Variants in RAD50 observed in about 807,000 individuals in gnomAD.
The protein encoded by RAD50 is DNA repair protein RAD50.
RAD50 carries 132 observed loss-of-function variants against 168.8 expected under a neutral mutation model. The observed-to-expected ratio is 0.78, with a 90% CI of 0.68 to 0.90. The LOEUF (loss-of-function observed/expected upper bound fraction) is 0.90, where lower values mean the gene tolerates loss of function less well. Ranked by LOEUF, RAD50 falls within the 40% of genes least tolerant of loss-of-function variation. The pLI, the probability that RAD50 is intolerant of heterozygous loss-of-function variation, is 0.00. For synonymous variants in RAD50, 525 were observed against 497.4 expected, an observed-to-expected ratio of 1.06 and a Z score of -0.74; for missense variants, 1,347 against 1,534.4, an observed-to-expected ratio of 0.88 and a Z score of 2.04.
chr5:132,644,498 A>T lies in RAD50; in HGVS notation c.*2134A>T, dbSNP rs1751808513. On this transcript the variant is annotated 3_prime_UTR_variant, in exon 25 of 25. Coordinates refer to ENST00000378823, the MANE Select transcript of RAD50 (RefSeq NM_005732.4). ...TGTTTCCTTATATGTAAAAGTGGGT[A>T]AAATGGTACATATTTTGTAGGGTTG... The T allele has an allele frequency of 5.6e-6, 1 of 179,250 alleles. No individual in the cohort carries two copies. The highest frequency in any genetic ancestry group is 1.2e-5 in the Non-Finnish European group (1 of 83,632). 11.1% of individuals were successfully genotyped at this position (179,250 alleles called of 1,614,324 possible).
At chr5:132,637,834 G>A (rs1430299534) in intron 22 of RAD50, among the ~76,000 whole-genome samples, 1 of 152,106 alleles carries the variant, frequency 6.6e-6, no homozygotes, top group Non-Finnish European at 1.5e-5. Flanking sequence ...GCCTGGCCTG[G>A]AGGAAACTCT....
intron 21 of RAD50, among the ~76,000 whole-genome samples, chr5:132,624,585 C>T (rs1751338238): frequency 1.3e-5 from 2 of 152,028 alleles, no homozygotes; most frequent in Non-Finnish European, 2.9e-5. Context: ...AGACACAAAT[C>T]AAAACAGATT....
chr5:132,615,264 CTAAG>C, intron 19 of RAD50, among the ~76,000 whole-genome samples: 1 of 152,260 alleles, frequency 6.6e-6, no homozygotes, highest in East Asian at 1.9e-4. Flanking sequence ...GCTGCTGCTG[CTAAG>C]TGTTATTGAG....
chr5:132,592,142 A>G (rs1750713398), intron 11 of RAD50, 108 bp downstream of exon 11: 3 of 1,232,812 alleles, frequency 2.4e-6, no homozygotes, highest in South Asian at 2.6e-5. Flanking sequence ...ATATTGATAA[A>G]CTTTAGTTCT....
At chr5:132,571,647 GGTCGTGGATGCAGTGA>G (rs1404881508) in intron 2 of RAD50, among the ~76,000 whole-genome samples, 1 of 152,088 alleles carries the variant, frequency 6.6e-6, no homozygotes, top group East Asian at 1.9e-4. Context: ...ATGACTCAGA[GGTCGTGGATGCAGTGA>G]GCTGTGTTCA....
Position 132,616,042 on chromosome 5 carries a change from A to C in RAD50, c.3076A>C (p.Lys1026Gln), listed in dbSNP as rs587781740. The change falls in exon 20 of 25, where the codon AAA becomes CAA. Residue 1026 changes from lysine (K) to glutamine (Q), a missense_variant. Coordinates refer to ENST00000378823, the MANE Select transcript of RAD50 (RefSeq NM_005732.4). ...RWLQDNLTLR[K>Q]RNEELKEVEE... ...GCTACAAGATAACCTTACTTTAAGA[A>C]AAAGAAATGAGGAACTAAAAGAAGT... is the stretch of plus-strand genomic sequence containing the variant. The C allele has an allele frequency of 1.6e-5, 26 of 1,603,372 alleles. No individual in the cohort carries two copies. The highest frequency in any genetic ancestry group is 2.2e-5 in the Non-Finnish European group (26 of 1,170,536).
intron 2 of RAD50, among the ~76,000 whole-genome samples, chr5:132,572,502 A>G (rs926104587): frequency 2.8e-4 from 43 of 152,332 alleles, no homozygotes; most frequent in Admixed American, 5.9e-4. Context: ...AAAAGGATGG[A>G]AAAAATATAC....
At chr5:132,587,465 T>C in intron 5 of RAD50, 97 bp from the exon 6 acceptor site, 1 of 1,521,888 alleles carries the variant, frequency 6.6e-7, no homozygotes, top group South Asian at 1.2e-5. Flanking sequence ...AGATCACTTT[T>C]ACTAAATGCC....
intron 19 of RAD50, 43 bp downstream of exon 19, chr5:132,609,439 T>C: frequency 1.2e-6 from 2 of 1,606,884 alleles, no homozygotes; most frequent in Non-Finnish European, 1.7e-6. Flanking sequence ...CCTATGACAT[T>C]CTTTTCTATA....
chr5:132,638,547 AC>A (rs1415420367), intron 23 of RAD50, among the ~76,000 whole-genome samples: 4 of 152,240 alleles, frequency 2.6e-5, no homozygotes, highest in Non-Finnish European at 5.9e-5. Flanking sequence ...CAGTTATAAG[AC>A]ATACCACTAT....
chr5:132,637,240 C>G, intron 22 of RAD50, 40 bp downstream of exon 22: 1 of 1,591,692 alleles, frequency 6.3e-7, no homozygotes. Context: ...TTTCCAAAGC[C>G]CTCTCCGCAG....
chr5:132,567,962 A>G (rs1294496531), intron 2 of RAD50, among the ~76,000 whole-genome samples: 2 of 152,222 alleles, frequency 1.3e-5, no homozygotes, highest in East Asian at 1.9e-4. Flanking sequence ...ATTAATGGGA[A>G]TATGCAAAAG....
intron 21 of RAD50, among the ~76,000 whole-genome samples, chr5:132,621,980 A>G (rs1751293807): frequency 6.6e-6 from 1 of 151,978 alleles, no homozygotes; most frequent in Non-Finnish European, 1.5e-5. Flanking sequence ...TTTTTATTAG[A>G]CATAACCTCC....
intron 5 of RAD50, among the ~76,000 whole-genome samples, chr5:132,582,121 C>G (rs140056595): frequency 1.9e-4 from 29 of 152,072 alleles, no homozygotes; most frequent in African/African-American, 7.0e-4. Flanking sequence ...TCCAAGCTGT[C>G]TTTGAACACT....
intron 21 of RAD50, among the ~76,000 whole-genome samples, chr5:132,620,417 C>T (rs1249607194): frequency 6.6e-6 from 1 of 152,166 alleles, no homozygotes; most frequent in East Asian, 1.9e-4. Flanking sequence ...CTCTGTTCTA[C>T]TTAATTCATC....
chr5:132,625,691 A>G (rs1751362403), intron 21 of RAD50, among the ~76,000 whole-genome samples: 1 of 152,004 alleles, frequency 6.6e-6, no homozygotes, highest in Non-Finnish European at 1.5e-5. Context: ...TGCCCTTCCT[A>G]GTCTCTGGTA....
At position 132,595,576 on chromosome 5, in the gene RAD50, T is replaced by C. The variant is rs1286348982; in HGVS notation, c.1973T>C (p.Met658Thr). ...EIEKSSKQRAMLAGATAVYSQ... is the reference protein window; with the variant it reads ...EIEKSSKQRATLAGATAVYSQ... ...ATAATTTATTTTCTTAAAATAGCCA[T>C]GCTGGCTGGAGCCACAGCAGTTTAC... Residue 658 changes from methionine to threonine, a missense_variant, in exon 13 of 25, where the codon ATG becomes ACG. Physicochemically the swap from Met to Thr is moderately conservative, Grantham distance 81. Transcript: ENST00000378823. 6.2e-6 allele frequency: 10 copies of C among 1,602,774 alleles called. No individual in the cohort carries two copies. Among genetic ancestry groups the C allele is most frequent in the Non-Finnish European group, 7.7e-6 (9 of 1,169,822 alleles).
Position 132,642,412 on chromosome 5 carries a change from G to A in RAD50, c.*48G>A, listed in dbSNP as rs369308649. On this transcript the variant is annotated 3_prime_UTR_variant, in exon 25 of 25. Coordinates refer to ENST00000378823, the MANE Select transcript of RAD50 (RefSeq NM_005732.4). ...ATAGAAATGTAGGTCCTCAGAAAGT[G>A]TATAATAAGAAACTTATTTCTCATA... The A allele has an allele frequency of 1.4e-5, 21 of 1,502,404 alleles. No individual in the cohort carries two copies. Among genetic ancestry groups the A allele is most frequent in the African/African-American group, 9.7e-5 (7 of 71,798 alleles). The allele number at this position is 1,502,404 out of a possible 1,614,324, so 93.1% of individuals were successfully genotyped here.
intron 13 of RAD50, among the ~76,000 whole-genome samples, chr5:132,599,027 A>C (rs1750841079): frequency 6.6e-6 from 1 of 152,226 alleles, no homozygotes; most frequent in South Asian, 2.1e-4. Flanking sequence ...CTAGGCAACC[A>C]CACATTTGTA....
Sources: gnomAD v4.1 joint callset for allele counts (sites outside exome capture counted in the v4.1 genomes callset) on GRCh38, gnomAD v4.1.1 for gene constraint, MANE v1.5 for transcripts, NCBI Gene and HGNC (gene_info 2026-07-23, HGNC 2026-07-21) for gene names.